Variants in MCM3 observed in about 807,000 individuals in gnomAD.
MCM3 encodes DNA replication licensing factor MCM3.
In MCM3, 59 loss-of-function variants were observed where a neutral mutation model predicts 91.3. That is an observed-to-expected ratio of 0.65 (90% CI 0.52 to 0.80). MCM3 has a LOEUF of 0.80. Ranked by LOEUF, MCM3 falls within the 30% of genes least tolerant of loss-of-function variation. MCM3 has a pLI of 0.00. For missense variants in MCM3, 919 were observed against 1,035.4 expected, an observed-to-expected ratio of 0.89 and a Z score of 1.54; for synonymous variants, 383 against 379.6, an observed-to-expected ratio of 1.01 and a Z score of -0.10.
At chr6:52,279,314 TG>T in intron 5 of MCM3, 46 bp downstream of exon 5, 1 of 1,486,264 alleles carries the variant, frequency 6.7e-7, no homozygotes, top group Non-Finnish European at 9.3e-7. Context: ...TTACCAGAAA[TG>T]GAAGCTGTCA....
intron 6 of MCM3, 137 bp from the exon 7 acceptor site, chr6:52,277,825 T>A (rs892720223): frequency 2.9e-6 from 2 of 679,580 alleles, no homozygotes; most frequent in African/African-American, 3.7e-5. Flanking sequence ...TCCTAGCACT[T>A]TGGGAGGCCG....
intron 7 of MCM3, 149 bp downstream of exon 7, chr6:52,277,386 T>C: frequency 2.0e-6 from 2 of 986,804 alleles, no homozygotes; most frequent in Non-Finnish European, 2.9e-6. Context: ...ATTCCAGAGA[T>C]GACAAAAAAA....
intron 15 of MCM3, 149 bp downstream of exon 15, chr6:52,266,462 A>G (rs1764649548): frequency 1.4e-6 from 1 of 730,732 alleles, no homozygotes; most frequent in East Asian, 2.5e-5. Flanking sequence ...TTTCCCCTGA[A>G]GCTCTCTTGG....
chr6:52,269,245 G>A lies in MCM3; in HGVS notation c.1828-19C>T. The A allele has an allele frequency of 6.3e-7, 1 of 1,597,830 alleles. No individual in the cohort carries two copies. Among genetic ancestry groups the A allele is most frequent in the Non-Finnish European group, 8.6e-7 (1 of 1,167,196 alleles). On this transcript the variant is annotated intron_variant, in intron 12 of 16. Coordinates refer to ENST00000596288, the MANE Select transcript of MCM3 (RefSeq NM_002388.6). ...GAGATGTCTAGGGAAGAAAAGGGAGGATTGCTTATCCCAAGTCTTTTAGGC... is the reference window on the plus strand; with the variant it reads ...GAGATGTCTAGGGAAGAAAAGGGAGAATTGCTTATCCCAAGTCTTTTAGGC...
chr6:52,274,050 G>A, intron 9 of MCM3, 134 bp from the exon 10 acceptor site: 1 of 648,616 alleles, frequency 1.5e-6, no homozygotes, highest in African/African-American at 1.8e-5. Context: ...CAGTGAAAAA[G>A]GGAAGTGTTT....
chr6:52,265,596 T>C (rs553224596), intron 16 of MCM3, among the ~76,000 whole-genome samples: 5 of 152,164 alleles, frequency 3.3e-5, no homozygotes, highest in Non-Finnish European at 4.4e-5. Context: ...AAATACACTG[T>C]ATTATGTGTT....
intron 13 of MCM3, 87 bp downstream of exon 13, chr6:52,268,999 T>G (rs1764868526): frequency 1.4e-6 from 2 of 1,406,104 alleles, no homozygotes. Flanking sequence ...AATCCAAATG[T>G]AGCCGTCAGC....
chr6:52,275,083 C>T (rs1282767206), intron 9 of MCM3, among the ~76,000 whole-genome samples: 1 of 152,130 alleles, frequency 6.6e-6, no homozygotes, highest in Non-Finnish European at 1.5e-5. Context: ...ATTTTAAAAG[C>T]TATGGTTTTC....
Position 52,267,239 on chromosome 6 carries a change from C to T in MCM3, c.2073-543G>A, listed in dbSNP as rs530319190. Among the ~76,000 whole-genome samples the T allele has an allele frequency of 5.3e-5, 8 of 151,802 alleles. No individual in the cohort carries two copies. The South Asian group carries it at 1.7e-3, about 32-fold the overall frequency. ...TCAGCCTCCCAAGTAGCTGGGACTA[C>T]AGGTGCCTGCCACCACGCCAGCCTA... On this transcript the variant is annotated intron_variant, in intron 14 of 16. Coordinates refer to ENST00000596288, the MANE Select transcript of MCM3 (RefSeq NM_002388.6).
intron 12 of MCM3, among the ~76,000 whole-genome samples, chr6:52,270,660 C>A (rs1765053653): frequency 6.6e-6 from 1 of 152,166 alleles, no homozygotes. Flanking sequence ...AATTCACTTA[C>A]AGACCCCACA....
At chr6:52,264,923 C>T (rs181585751) in intron 16 of MCM3, 137 bp from the exon 17 acceptor site, 1 of 714,866 alleles carries the variant, frequency 1.4e-6, no homozygotes, top group Non-Finnish European at 2.4e-6. Flanking sequence ...ACACATCTGC[C>T]TCTGATGGCA....
intron 9 of MCM3, 40 bp from the exon 10 acceptor site, chr6:52,273,956 AT>A (rs750520583): frequency 1.3e-6 from 2 of 1,525,104 alleles, no homozygotes; most frequent in South Asian, 2.4e-5. Context: ...CATGACATCA[AT>A]AGGAAGAAAG....
chr6:52,271,247 T>A (rs1765108088), intron 12 of MCM3, among the ~76,000 whole-genome samples: 1 of 152,146 alleles, frequency 6.6e-6, no homozygotes, highest in Non-Finnish European at 1.5e-5. Context: ...TCTGGGATCA[T>A]GTCTAATCCA....
Position 52,279,388 on chromosome 6 carries a change from T to G in MCM3, c.743A>C (p.Lys248Thr). The part of the protein sequence containing the change: ...VGTYRCLPGK[K>T]GGYTSGTFRT... ...GAAGGTCCCAGAGGTGTAGCCTCCC[T>G]TCTTTCCAGGAAGGCAACGGTAGGT... Residue 248 changes from lysine (K) to threonine (T), a missense_variant, in exon 5 of 17, where the codon AAG (lysine) becomes ACG (threonine). Lys to Thr is a moderately conservative substitution (Grantham distance 78). Transcript: ENST00000596288. 1 of 1,614,118 alleles carries G rather than the reference T, an allele frequency of 6.2e-7. No individual in the cohort carries two copies. Among genetic ancestry groups the G allele is most frequent in the Non-Finnish European group, 8.5e-7 (1 of 1,180,010 alleles).
chr6:52,268,405 C>T (rs1764815445), intron 13 of MCM3, among the ~76,000 whole-genome samples: 1 of 152,190 alleles, frequency 6.6e-6, no homozygotes, highest in South Asian at 2.1e-4. Flanking sequence ...TACAACTCAA[C>T]CCTTAACCTA....
Position 52,279,563 on chromosome 6 carries a change from G to A in MCM3, c.568C>T (p.Leu190Phe), listed in dbSNP as rs1184714044. Reference sequence around the variant, plus strand: ...GTCTGGTGATCCTTGTAGACAGAAAGGCCATATTCTGTCTCAAGGGGATTG... The same window carrying A: ...GTCTGGTGATCCTTGTAGACAGAAAAGCCATATTCTGTCTCAAGGGGATTG... ...ENNPLETEYG[L>F]SVYKDHQTIT... is the part of the protein sequence containing the mutation. Residue 190 changes from leucine (L) to phenylalanine (F), a missense_variant, in exon 5 of 17, where the codon CTT (leucine) becomes TTT (phenylalanine). Around this residue, in one of 3 missense-constraint regions of MCM3, gnomAD observed 401 missense variants for 402.7 expected, o/e 1.00. Transcript: ENST00000596288. 20 of 1,613,872 alleles carry A rather than the reference G, an allele frequency of 1.2e-5. No homozygotes were observed. The highest frequency in any genetic ancestry group is 1.7e-5 in the Admixed American group (1 of 59,996).
intron 6 of MCM3, 23 bp from the exon 7 acceptor site, chr6:52,277,711 C>T: frequency 6.2e-7 from 1 of 1,611,204 alleles, no homozygotes; most frequent in Non-Finnish European, 8.5e-7. Flanking sequence ...TAACCAATGG[C>T]AAGCCTAGTG....
intron 16 of MCM3, among the ~76,000 whole-genome samples, chr6:52,264,991 T>C (rs11968115): frequency 0.078 from 11,805 of 152,210 alleles, 587 homozygotes; most frequent in East Asian, 0.14. Flanking sequence ...GTGTGGGAAA[T>C]TGGCATTCCC....
intron 16 of MCM3, chr6:52,265,306 CT>C: frequency 4.6e-6 from 2 of 434,798 alleles, no homozygotes; most frequent in Non-Finnish European, 9.3e-6. Flanking sequence ...TAATCCCAGC[CT>C]TTTGGGAGGC....
Sources: allele counts gnomAD v4.1 joint callset (sites outside exome capture counted in the v4.1 genomes callset), GRCh38; gene constraint gnomAD v4.1.1; regional missense constraint gnomAD v4.1.1; transcripts MANE v1.5; gene names NCBI Gene and HGNC (gene_info 2026-07-23, HGNC 2026-07-21).